Variants in AGPAT4 observed in about 807,000 individuals in gnomAD.
The protein encoded by AGPAT4 is 1-acylglycerol-3-phosphate O-acyltransferase 4, also known as 1-acyl-sn-glycerol-3-phosphate acyltransferase delta.
A neutral mutation model predicts 48.0 loss-of-function variants in AGPAT4; 15 were observed. The observed-to-expected ratio is 0.31, with a 90% CI of 0.21 to 0.48. AGPAT4 has a LOEUF of 0.48. Ranked by LOEUF, AGPAT4 falls within the 20% of genes least tolerant of loss-of-function variation. AGPAT4 has a pLI of 0.99. For missense variants in AGPAT4, 314 were observed against 482.5 expected (o/e 0.65, Z 3.27); for synonymous variants, 178 against 198.7 (o/e 0.90, Z 0.88).
In AGPAT4 at chr6:161,146,919, GC is replaced by G. The variant is rs1395478326; in HGVS notation, c.768-321del. Among the ~76,000 whole-genome samples the G allele has an allele frequency of 6.6e-6, 1 of 152,110 alleles. No individual in the cohort carries two copies. The highest frequency in any genetic ancestry group is 1.5e-5 in the Non-Finnish European group (1 of 68,018). ...AAAAGGCCCCCAAAACCTGATATTT[GC>G]CTCTTCCAAAGAGGACAACACTGCC... On this transcript the variant is annotated intron_variant, in intron 6 of 8. Coordinates refer to ENST00000320285, the MANE Select transcript of AGPAT4 (RefSeq NM_020133.3). This position sits in a 1 kb window ranked among gnomAD's most constrained non-coding sequence, Gnocchi z 7.1.
intron 1 of AGPAT4, among the ~76,000 whole-genome samples, chr6:161,250,809 T>C (rs1301011931): frequency 1.3e-5 from 2 of 152,202 alleles, no homozygotes; most frequent in Non-Finnish European, 2.9e-5. Context: ...TTAAAAACAA[T>C]GAAAAGCAAA....
chr6:161,248,588 A>C (rs991709276), intron 1 of AGPAT4, among the ~76,000 whole-genome samples: 2 of 150,716 alleles, frequency 1.3e-5, no homozygotes, highest in African/African-American at 4.9e-5. Context: ...AAAAAAAAAA[A>C]AAAAAACTAG....
chr6:161,235,977 G>C lies in AGPAT4; in HGVS notation c.-89-3675C>G, dbSNP rs1562351154. On this transcript the variant is annotated intron_variant, in intron 1 of 8. Transcript: ENST00000320285. This position sits in a 1 kb window ranked among gnomAD's most constrained non-coding sequence, Gnocchi z 6.2. ...AAAACAGCACTTTCTCTTCTAACGT[G>C]GCAATTAGCCAATTTCATGTCATGC... Among the ~76,000 whole-genome samples, 1 of 152,122 alleles carries C rather than the reference G, an allele frequency of 6.6e-6. No homozygotes were observed. The highest frequency in any genetic ancestry group is 1.5e-5 in the Non-Finnish European group (1 of 68,026).
At chr6:161,247,254 A>C (rs564572070) in intron 1 of AGPAT4, among the ~76,000 whole-genome samples, 31 of 152,376 alleles carry the variant, frequency 2.0e-4, no homozygotes, top group Middle Eastern at 6.8e-3. Context: ...AAATTATACT[A>C]GCCGTGTAAA....
chr6:161,185,283 CTTTT>C (rs35820706), intron 2 of AGPAT4, among the ~76,000 whole-genome samples: 1,834 of 109,222 alleles, frequency 0.017, 34 homozygotes, highest in African/African-American at 0.063. Flanking sequence ...TTTAAGATGT[CTTTT>C]TTTTTTTTTT....
chr6:161,140,523 T>A lies in AGPAT4; in HGVS notation c.844-903A>T, dbSNP rs1779216121. On this transcript the variant is annotated intron_variant, in intron 7 of 8. Transcript: ENST00000320285. This position sits in a 1 kb window ranked among gnomAD's most constrained non-coding sequence, Gnocchi z 6.5. ...ATGCACTGCGAAAGAACGCGGTGGC[T>A]CTTCCCTGGGTGTCTCATGTCACGG... 1.3e-5 allele frequency among the ~76,000 whole-genome samples: 2 copies of A among 152,146 alleles called. No individual in the cohort carries two copies. The highest frequency in any genetic ancestry group is 4.1e-4 in the South Asian group (2 of 4,826).
At chr6:161,268,037 C>T (rs754556244) in intron 1 of AGPAT4, among the ~76,000 whole-genome samples, 3 of 152,220 alleles carry the variant, frequency 2.0e-5, no homozygotes, top group East Asian at 1.9e-4. Context: ...TCTGGGTTAA[C>T]GTCTCAGCTC....
rs533952641 is a variant in AGPAT4 at position 161,177,620 on chromosome 6, T to C, written c.179-11203A>G. Among the ~76,000 whole-genome samples the C allele has an allele frequency of 6.6e-6, 1 of 152,184 alleles. No individual in the cohort carries two copies. Among genetic ancestry groups the C allele is most frequent in the East Asian group, 1.9e-4 (1 of 5,196 alleles). On this transcript the variant is annotated intron_variant, in intron 2 of 8. Coordinates refer to ENST00000320285, the MANE Select transcript of AGPAT4 (RefSeq NM_020133.3). This position sits in a 1 kb window ranked among gnomAD's most constrained non-coding sequence, Gnocchi z 5.0. ...TCCTTTAGCTCGGAGAAGTTTGTTA[T>C]TACTGATCGTCTGAAGCCTTCTTTT...
At chr6:161,256,103 C>T (rs566411926) in intron 1 of AGPAT4, among the ~76,000 whole-genome samples, 2 of 152,230 alleles carry the variant, frequency 1.3e-5, no homozygotes, top group African/African-American at 4.8e-5. Flanking sequence ...CAGGCGAGGC[C>T]GGTTGGCAGG....
intron 2 of AGPAT4, among the ~76,000 whole-genome samples, chr6:161,183,911 G>A (rs930017993): frequency 5.3e-5 from 8 of 151,984 alleles, no homozygotes; most frequent in Non-Finnish European, 1.0e-4. Flanking sequence ...CAGGAGGGTG[G>A]AGCTCAGTGG....
Position 161,254,258 on chromosome 6 carries a change from T to C in AGPAT4, c.-90+19680A>G, listed in dbSNP as rs1159636724. On this transcript the variant is annotated intron_variant, in intron 1 of 8. Transcript: ENST00000320285. The surrounding 1 kb of genome is among the most constrained non-coding windows in gnomAD (Gnocchi z 5.9). Reference sequence around the variant, plus strand: ...ATATTGAAAAAGCTCTGTGACTTACTAGTGGACCCATTGTACAGCTAAGAA... The same window carrying C: ...ATATTGAAAAAGCTCTGTGACTTACCAGTGGACCCATTGTACAGCTAAGAA... 6.6e-6 allele frequency among the ~76,000 whole-genome samples: 1 copy of C among 152,204 alleles called. No homozygotes were observed. The highest frequency in any genetic ancestry group is 2.4e-5 in the African/African-American group (1 of 41,446).
chr6:161,190,709 G>GA (rs1356171393), intron 2 of AGPAT4, among the ~76,000 whole-genome samples: 1 of 151,856 alleles, frequency 6.6e-6, no homozygotes, highest in Non-Finnish European at 1.5e-5. Flanking sequence ...CAATGGGAAA[G>GA]AAAGACAAGC....
At chr6:161,182,044 A>C (rs1446841599) in intron 2 of AGPAT4, among the ~76,000 whole-genome samples, 1 of 152,080 alleles carries the variant, frequency 6.6e-6, no homozygotes, top group African/African-American at 2.4e-5. Flanking sequence ...AATGATGAAA[A>C]CATTTGAGTA....
At position 161,214,205 on chromosome 6, in the gene AGPAT4, A is replaced by C. The variant is rs957118117; in HGVS notation, c.178+17831T>G. On this transcript the variant is annotated intron_variant, in intron 2 of 8. Coordinates refer to ENST00000320285, the MANE Select transcript of AGPAT4 (RefSeq NM_020133.3). The surrounding 1 kb of genome is among the most constrained non-coding windows in gnomAD (Gnocchi z 5.4). ...CAGACCAAACCAATGTTCATGTTACATCTGTTGATTGATGTCTCGTGTCTC... is the reference window on the plus strand; with the variant it reads ...CAGACCAAACCAATGTTCATGTTACCTCTGTTGATTGATGTCTCGTGTCTC... 6.6e-6 allele frequency among the ~76,000 whole-genome samples: 1 copy of C among 152,148 alleles called. No individual in the cohort carries two copies. The highest frequency in any genetic ancestry group is 2.4e-5 in the African/African-American group (1 of 41,428).
rs1031447315 is a variant in AGPAT4 at position 161,244,586 on chromosome 6, C to T, written c.-89-12284G>A. On this transcript the variant is annotated intron_variant, in intron 1 of 8. Coordinates refer to ENST00000320285, the MANE Select transcript of AGPAT4 (RefSeq NM_020133.3). The surrounding 1 kb of genome is among the most constrained non-coding windows in gnomAD (Gnocchi z 4.7). The stretch of plus-strand genomic sequence containing the variant: ...GCTGGCTCCATTATGGCTAAACAAA[C>T]TCACATTTTGATGCTGTGTGAGCAG... Among the ~76,000 whole-genome samples the T allele has an allele frequency of 2.0e-5, 3 of 152,156 alleles. No individual in the cohort carries two copies. Among genetic ancestry groups the T allele is most frequent in the Admixed American group, 1.3e-4 (2 of 15,286 alleles).
At chr6:161,230,695 T>C (rs536764579) in intron 2 of AGPAT4, among the ~76,000 whole-genome samples, 1 of 152,312 alleles carries the variant, frequency 6.6e-6, no homozygotes, top group African/African-American at 2.4e-5. Context: ...GAAAAGTACA[T>C]TGTATCATAT....
intron 2 of AGPAT4, among the ~76,000 whole-genome samples, chr6:161,209,288 T>C (rs1781462840): frequency 6.6e-6 from 1 of 152,152 alleles, no homozygotes; most frequent in South Asian, 2.1e-4. Context: ...AATTAATCCA[T>C]GGGCACCTAT....
At chr6:161,250,013 T>C (rs750039454) in intron 1 of AGPAT4, among the ~76,000 whole-genome samples, 5 of 152,270 alleles carry the variant, frequency 3.3e-5, no homozygotes, top group Middle Eastern at 3.4e-3. Context: ...ATTATGCAAC[T>C]ATAAAAAATG....
rs1199369704 is a variant in AGPAT4 at position 161,201,831 on chromosome 6, A to G, written c.178+30205T>C. Among the ~76,000 whole-genome samples, 1 of 152,210 alleles carries G rather than the reference A, an allele frequency of 6.6e-6. No individual in the cohort carries two copies. Among genetic ancestry groups the G allele is most frequent in the Admixed American group, 6.5e-5 (1 of 15,286 alleles). On this transcript the variant is annotated intron_variant, in intron 2 of 8. Transcript: ENST00000320285. This position sits in a 1 kb window ranked among gnomAD's most constrained non-coding sequence, Gnocchi z 6.0. The stretch of plus-strand genomic sequence containing the variant: ...TGCAAGAGGAAGTCCCATTTCACAG[A>G]CAATTAACTGTACTTTGACAACCAT...
Sources: gnomAD v4.1 joint callset for allele counts (sites outside exome capture counted in the v4.1 genomes callset) on GRCh38, gnomAD v4.1.1 for gene constraint, Gnocchi (gnomAD v3.1) non-coding constraint, MANE v1.5 for transcripts, NCBI Gene and HGNC (gene_info 2026-07-23, HGNC 2026-07-21) for gene names.